Variants in LRCH1 observed in about 807,000 individuals in gnomAD.
The protein encoded by LRCH1 is leucine rich repeats and calponin homology domain containing 1, also known as leucine-rich repeat and calponin homology domain-containing protein 1.
A neutral mutation model predicts 94.9 loss-of-function variants in LRCH1; 23 were observed. The ratio of observed to expected loss-of-function variants is 0.24; its 90% CI spans 0.17 to 0.34. LRCH1 has a LOEUF of 0.34. Ranked by LOEUF, LRCH1 falls within the 10% of genes least tolerant of loss-of-function variation. LRCH1 has a pLI of 1.00. For synonymous variants in LRCH1, 364 were observed against 354.9 expected, an observed-to-expected ratio of 1.03 and a Z score of -0.29; for missense variants, 790 against 945.9, an observed-to-expected ratio of 0.84 and a Z score of 2.16.
intron 18 of LRCH1, 95 bp downstream of exon 18, chr13:46,729,079 G>T: frequency 8.1e-7 from 1 of 1,234,728 alleles, no homozygotes. Context: ...GTAGGAGCTT[G>T]CTCAAATCTT....
At chr13:46,610,818 G>T (rs768940252) in intron 1 of LRCH1, among the ~76,000 whole-genome samples, 1 of 152,176 alleles carries the variant, frequency 6.6e-6, no homozygotes, top group African/African-American at 2.4e-5. Flanking sequence ...TATCTTTTCA[G>T]ATATGTGTCC....
intron 1 of LRCH1, among the ~76,000 whole-genome samples, chr13:46,593,726 G>A (rs1195244488): frequency 6.6e-6 from 1 of 152,132 alleles, no homozygotes; most frequent in Non-Finnish European, 1.5e-5. Flanking sequence ...AGGTCCTGAT[G>A]AGGCTGGTGC....
rs150045128 is a variant in LRCH1 at position 46,741,841 on chromosome 13, C to T, written c.2285C>T (p.Ser762Phe). 4 of 1,613,874 alleles carry T rather than the reference C, an allele frequency of 2.5e-6. No individual in the cohort carries two copies. The highest frequency in any genetic ancestry group is 3.4e-6 in the Non-Finnish European group (4 of 1,180,024). Reference sequence around the variant, plus strand: ...ATCACTTACCACTGGAATGCTCTGTCCGCATAATGTCTGCACGTGCATCCA... The same window carrying T: ...ATCACTTACCACTGGAATGCTCTGTTCGCATAATGTCTGCACGTGCATCCA... ...VYITYHWNAL[S>F]A Residue 762 changes from serine to phenylalanine, a missense_variant, in exon 20 of 20, where the codon TCC (serine) becomes TTC (phenylalanine). Around this residue, in one of 3 missense-constraint regions of LRCH1, gnomAD observed 460 missense variants for 508.9 expected, o/e 0.90. Coordinates refer to ENST00000389797, the MANE Select transcript of LRCH1 (RefSeq NM_001164211.2).
intron 1 of LRCH1, among the ~76,000 whole-genome samples, chr13:46,562,492 A>G (rs1290682099): frequency 1.3e-5 from 2 of 152,166 alleles, no homozygotes; most frequent in East Asian, 1.9e-4. Flanking sequence ...TCCTCTTCTT[A>G]TAAGGGTATC....
intron 15 of LRCH1, 84 bp from the exon 16 acceptor site, chr13:46,715,476 C>T (rs1046838576): frequency 5.6e-6 from 4 of 720,438 alleles, no homozygotes; most frequent in Non-Finnish European, 9.9e-6. Context: ...AAACCCTATG[C>T]CATTTGTGAA....
At chr13:46,746,130 G>GT (rs1427058311), downstream of LRCH1, among the ~76,000 whole-genome samples, 1 of 152,228 alleles carries the variant, frequency 6.6e-6, no homozygotes, top group Non-Finnish European at 1.5e-5. Flanking sequence ...TAAGACACAT[G>GT]TAGTTCAAAC....
Position 46,744,622 on chromosome 13 carries a change from ATTTG to A in LRCH1, c.*2780_*2783del. On this transcript the variant is annotated 3_prime_UTR_variant, in exon 20 of 20. Transcript: ENST00000389797. ...TAAAGGCACTTGATAGCCTGCTGCT[ATTTG>A]TTTGTAAGAAATTAAAACTAGCGCG... 4.1e-6 allele frequency: 4 copies of A among 985,432 alleles called. No individual in the cohort carries two copies. The highest frequency in any genetic ancestry group is 4.7e-5 in the South Asian group (1 of 21,288). 61.0% of individuals were successfully genotyped at this position (985,432 alleles called of 1,614,324 possible).
intron 1 of LRCH1, among the ~76,000 whole-genome samples, chr13:46,620,379 A>G (rs1356656580): frequency 6.6e-6 from 1 of 151,920 alleles, no homozygotes; most frequent in South Asian, 2.1e-4. Context: ...AAAAAAAAGC[A>G]TATAATTTTG....
At chr13:46,724,828 A>C (rs1306481987) in intron 17 of LRCH1, among the ~76,000 whole-genome samples, 8 of 152,256 alleles carry the variant, frequency 5.3e-5, no homozygotes, top group African/African-American at 1.4e-4. Context: ...CAGAACAACC[A>C]TTCAACCCTG....
intron 19 of LRCH1, 36 bp downstream of exon 19, chr13:46,734,034 G>C: frequency 8.2e-7 from 1 of 1,223,848 alleles, no homozygotes; most frequent in Non-Finnish European, 1.2e-6. Context: ...CTGTGTTCTA[G>C]TAAAAATTTT....
chr13:46,680,597 C>G (rs949049016), intron 3 of LRCH1, among the ~76,000 whole-genome samples: 1 of 152,086 alleles, frequency 6.6e-6, no homozygotes, highest in African/African-American at 2.4e-5. Context: ...GCATATCAGG[C>G]AGGGAAGGAG....
intron 1 of LRCH1, among the ~76,000 whole-genome samples, chr13:46,648,415 C>T (rs2051250386): frequency 6.6e-6 from 1 of 152,198 alleles, no homozygotes; most frequent in South Asian, 2.1e-4. Flanking sequence ...TCTCTTGACC[C>T]ATTTCCCATC....
chr13:46,602,019 A>G lies in LRCH1; in HGVS notation c.308-48182A>G, dbSNP rs2050634050. 2.6e-5 allele frequency among the ~76,000 whole-genome samples: 4 copies of G among 152,376 alleles called. No individual in the cohort carries two copies. The South Asian group carries it at 8.3e-4, about 32-fold the overall frequency. On this transcript the variant is annotated intron_variant, in intron 1 of 19. Coordinates refer to ENST00000389797, the MANE Select transcript of LRCH1 (RefSeq NM_001164211.2). Reference sequence around the variant, plus strand: ...ACTGACTTGCAACGTTGTCATATAAATTAAAGATCATAGATCCAGCTATGG... The same window carrying G: ...ACTGACTTGCAACGTTGTCATATAAGTTAAAGATCATAGATCCAGCTATGG...
At chr13:46,647,243 AT>A (rs1402355035) in intron 1 of LRCH1, among the ~76,000 whole-genome samples, 1 of 152,162 alleles carries the variant, frequency 6.6e-6, no homozygotes, top group African/African-American at 2.4e-5. Flanking sequence ...TTACCAAAAA[AT>A]GTCCTTCATT....
At chr13:46,678,892 A>G (rs887612683) in intron 3 of LRCH1, among the ~76,000 whole-genome samples, 2 of 152,194 alleles carry the variant, frequency 1.3e-5, no homozygotes, top group African/African-American at 4.8e-5. Context: ...GTTTCATCTC[A>G]TGCTGTGAAT....
intron 1 of LRCH1, among the ~76,000 whole-genome samples, chr13:46,596,603 T>C (rs189174121): frequency 2.6e-5 from 4 of 152,248 alleles, no homozygotes; most frequent in African/African-American, 9.6e-5. Flanking sequence ...TATGAAAGAA[T>C]GTCAGTGAAT....
At chr13:46,558,235 A>G (rs9595489) in intron 1 of LRCH1, among the ~76,000 whole-genome samples, 4,030 of 152,292 alleles carry the variant, frequency 0.026, 176 homozygotes, top group African/African-American at 0.093. Flanking sequence ...CTGAGGCCCA[A>G]GGCAGGTCAA....
At chr13:46,707,045 CAT>C (rs1390375482) in intron 13 of LRCH1, among the ~76,000 whole-genome samples, 5 of 152,176 alleles carry the variant, frequency 3.3e-5, no homozygotes, top group African/African-American at 1.2e-4. Flanking sequence ...ATGGTGATAA[CAT>C]ATTTTCATCT....
At chr13:46,751,803 T>A (rs1301696342) in exon 19 of LRCH1, 1 of 152,204 alleles carries the variant, frequency 6.6e-6, no homozygotes, top group Non-Finnish European at 1.5e-5. Context: ...CGACTGAGTA[T>A]CAGAAATTAC....
Sources: allele counts gnomAD v4.1 joint callset (sites outside exome capture counted in the v4.1 genomes callset), GRCh38; gene constraint gnomAD v4.1.1; regional missense constraint gnomAD v4.1.1; transcripts MANE v1.5; gene names NCBI Gene and HGNC (gene_info 2026-07-23, HGNC 2026-07-21).